CHD1: variants seen among roughly 807,000 people sequenced by gnomAD.
CHD1 encodes the protein ATP-dependent chromatin remodeler CHD1.
In CHD1, 36 loss-of-function variants were observed where a neutral mutation model predicts 224.2. The observed-to-expected ratio is 0.16, with a 90% CI of 0.12 to 0.21. The LOEUF (loss-of-function observed/expected upper bound fraction) is 0.21, where lower values mean the gene tolerates loss of function less well. Ranked by LOEUF, CHD1 falls within the 10% of genes least tolerant of loss-of-function variation. The probability of loss-of-function intolerance (pLI) is 1.00; values close to 1 mark genes in which losing one functional copy is unlikely to be tolerated. For synonymous variants in CHD1, 668 were observed against 658.3 expected (o/e 1.01, Z -0.23); for missense variants, 1,378 against 1,994.8 (o/e 0.69, Z 5.89).
In CHD1 at chr5:98,887,199, C is replaced by T. The variant is rs75623760; in HGVS notation, c.2496+889G>A. Among the ~76,000 whole-genome samples the T allele has an allele frequency of 8.4e-3, 1,272 of 152,220 alleles. 43 individuals are homozygous for T. The East Asian group carries it at 0.11, about 13-fold the overall frequency. ...TTCAAAAACCTCAACTAATGGTACTCTTCTACGTTTTCCCCTAAATGACTG... is the reference window on the plus strand; with the variant it reads ...TTCAAAAACCTCAACTAATGGTACTTTTCTACGTTTTCCCCTAAATGACTG... On this transcript the variant is annotated intron_variant, in intron 17 of 35. Transcript: ENST00000614616.
chr5:98,894,977 A>G (rs1470065363), intron 12 of CHD1, among the ~76,000 whole-genome samples: 2 of 151,994 alleles, frequency 1.3e-5, no homozygotes, highest in African/African-American at 4.8e-5. Flanking sequence ...ATGCACCACC[A>G]CGCCCAGCTA....
At chr5:98,911,701 G>A (rs547096281) in intron 2 of CHD1, among the ~76,000 whole-genome samples, 19 of 152,202 alleles carry the variant, frequency 1.2e-4, no homozygotes, top group African/African-American at 4.1e-4. Flanking sequence ...AGCCTGGTAC[G>A]CAGAGTAAGG....
chr5:98,860,466 G>A, intron 32 of CHD1: 1 of 245,162 alleles, frequency 4.1e-6, no homozygotes, highest in Non-Finnish European at 8.1e-6. Context: ...TATGAATTAT[G>A]CTTGTAAAGA....
intron 2 of CHD1, among the ~76,000 whole-genome samples, chr5:98,909,286 T>TAAGAA (rs1258346061): frequency 6.6e-6 from 1 of 152,214 alleles, no homozygotes; most frequent in Non-Finnish European, 1.5e-5. Context: ...CATATTTTTC[T>TAAGAA]ATCCCTTGTA....
intron 31 of CHD1, among the ~76,000 whole-genome samples, chr5:98,866,407 C>A (rs1210168193): frequency 6.6e-6 from 1 of 152,072 alleles, no homozygotes; most frequent in African/African-American, 2.4e-5. Context: ...GTTGTGGAAT[C>A]AGTAGGAAAT....
intron 24 of CHD1, among the ~76,000 whole-genome samples, chr5:98,875,940 C>T (rs1037554772): frequency 1.1e-4 from 16 of 152,198 alleles, no homozygotes; most frequent in Admixed American, 6.5e-4. Context: ...GCCAATCTTA[C>T]CTCATCTCAA....
chr5:98,888,833 A>G (rs1184770203), intron 16 of CHD1, among the ~76,000 whole-genome samples: 1 of 152,228 alleles, frequency 6.6e-6, no homozygotes, highest in Non-Finnish European at 1.5e-5. Flanking sequence ...TTCTTGCTGG[A>G]TAAGTTATTA....
chr5:98,901,396 T>C, intron 5 of CHD1, 61 bp from the exon 6 acceptor site: 1 of 1,342,218 alleles, frequency 7.5e-7, no homozygotes, highest in Non-Finnish European at 1.0e-6. Context: ...TTATCCCTAA[T>C]ACAAAGATGA....
chr5:98,922,087 G>C (rs913914568), intron 2 of CHD1, among the ~76,000 whole-genome samples: 3 of 152,130 alleles, frequency 2.0e-5, no homozygotes, highest in Non-Finnish European at 4.4e-5. Flanking sequence ...AGGAGACGGA[G>C]GCTGCAGTGA....
At chr5:98,913,979 C>T (rs1252044699) in intron 2 of CHD1, among the ~76,000 whole-genome samples, 1 of 151,988 alleles carries the variant, frequency 6.6e-6, no homozygotes, top group Non-Finnish European at 1.5e-5. Flanking sequence ...CCCTCCCTAT[C>T]CACCCAGTAT....
chr5:98,882,978 G>T, intron 19 of CHD1, 110 bp downstream of exon 19: 1 of 664,880 alleles, frequency 1.5e-6, no homozygotes, highest in Non-Finnish European at 2.2e-6. Flanking sequence ...TTAAACAGTA[G>T]TATGACTGTT....
At chr5:98,898,523 TA>T in intron 9 of CHD1, 89 bp from the exon 10 acceptor site, 1 of 1,290,444 alleles carries the variant, frequency 7.7e-7, no homozygotes. Flanking sequence ...GCTACACAAG[TA>T]AAATTTAGCT....
intron 2 of CHD1, among the ~76,000 whole-genome samples, chr5:98,917,313 A>AGAAAAAAC: frequency 6.9e-6 from 1 of 144,174 alleles, no homozygotes. Flanking sequence ...AAAAAAAAAC[A>AGAAAAAAC]ACCTCTTAAT....
At chr5:98,859,944 C>A in intron 33 of CHD1, 28 bp downstream of exon 33, 1 of 1,143,880 alleles carries the variant, frequency 8.7e-7, no homozygotes, top group South Asian at 1.5e-5. Context: ...TATATAAATT[C>A]AGGGAAAAAA....
Position 98,882,036 on chromosome 5 carries a change from C to T in CHD1, c.2806G>A (p.Val936Ile), listed in dbSNP as rs1322524822. The change falls in exon 20 of 36, where the codon GTA (valine) becomes ATA (isoleucine). Residue 936 changes from valine (V) to isoleucine (I), a missense_variant. Physicochemically the swap from Val to Ile is conservative, Grantham distance 29 (BLOSUM62 3). Transcript: ENST00000614616. Reference sequence around the variant, plus strand: ...CCAGTTGTGTCCATTCTTTGAATTACAAGATGATCTAAAACCATCTTCTTT... The same window carrying T: ...CCAGTTGTGTCCATTCTTTGAATTATAAGATGATCTAAAACCATCTTCTTT... ...AKKKMVLDHL[V>I]IQRMDTTGKT... is the part of the protein sequence containing the mutation. The T allele has an allele frequency of 6.2e-7, 1 of 1,613,570 alleles. No individual in the cohort carries two copies.
intron 30 of CHD1, 156 bp downstream of exon 30, chr5:98,869,598 A>G (rs992537256): frequency 1.8e-5 from 13 of 723,762 alleles, no homozygotes; most frequent in South Asian, 1.5e-4. Flanking sequence ...GTTATGAACT[A>G]TAAGTGCGTG....
intron 5 of CHD1, among the ~76,000 whole-genome samples, chr5:98,902,678 A>T (rs1397131395): frequency 6.6e-6 from 1 of 152,080 alleles, no homozygotes; most frequent in Non-Finnish European, 1.5e-5. Context: ...AGGGGGAGTT[A>T]CAGGAGATAA....
In CHD1 at chr5:98,858,208, C is replaced by T. The variant is rs772774091; in HGVS notation, c.4759G>A (p.Asp1587Asn). ...CTGTCTTGCTTGTAGTGATCCCAAT[C>T]ACGATGGTCTTTACCATTACTAAAA... ...SSFSNGKDHR[D>N]WDHYKQDSRY... The change falls in exon 35 of 36, where the codon GAT becomes AAT. Residue 1587 changes from aspartate (D) to asparagine (N), a missense_variant. Transcript: ENST00000614616. The T allele has an allele frequency of 3.7e-6, 6 of 1,613,034 alleles. No individual in the cohort carries two copies. In the South Asian group the frequency reaches 5.5e-5, roughly 15 times the overall value.
chr5:98,859,895 T>C (rs1301814616), intron 33 of CHD1, 77 bp downstream of exon 33: 1 of 722,524 alleles, frequency 1.4e-6, no homozygotes, highest in Non-Finnish European at 2.3e-6. Context: ...TATTTATTAA[T>C]CAAACTGCTC....
Sources: gnomAD v4.1 joint callset for allele counts (sites outside exome capture counted in the v4.1 genomes callset) on GRCh38, gnomAD v4.1.1 for gene constraint, MANE v1.5 for transcripts, NCBI Gene and HGNC (gene_info 2026-07-23, HGNC 2026-07-21) for gene names.